Variants in KLF12 observed in about 807,000 individuals in gnomAD.
The protein encoded by KLF12 is KLF transcription factor 12, also known as Krueppel-like factor 12.
Under a neutral mutation model 37.8 loss-of-function variants are expected in KLF12, and 9 were observed. The ratio of observed to expected loss-of-function variants is 0.24; its 90% CI spans 0.14 to 0.42. The LOEUF (loss-of-function observed/expected upper bound fraction) is 0.42, where lower values mean the gene tolerates loss of function less well. KLF12 is among the 10% of genes least tolerant of loss of function. The pLI is 1.00. For synonymous variants in KLF12, 208 were observed against 202.1 expected, an observed-to-expected ratio of 1.03 and a Z score of -0.25; for missense variants, 411 against 516.0, an observed-to-expected ratio of 0.80 and a Z score of 1.97.
chr13:73,839,258 A>ATT lies in KLF12; in HGVS notation c.670+6567_670+6568dup, dbSNP rs768668350. 6.9e-3 allele frequency among the ~76,000 whole-genome samples: 784 copies of ATT among 113,024 alleles called. 5 individuals carry two copies. The highest frequency in any genetic ancestry group is 0.062 in the East Asian group (124 of 2,016). 74.1% of individuals were successfully genotyped at this position (113,024 alleles called of 152,430 possible). ...CAGGTGCTTACCACCATACCTGGTT[A>ATT]TTTTTTTTTTTTTTTTGTATTTTTG... On this transcript the variant is annotated intron_variant, in intron 4 of 7. Coordinates refer to ENST00000377669, the MANE Select transcript of KLF12 (RefSeq NM_007249.5).
chr13:73,895,686 G>A (rs1398540212), intron 3 of KLF12, among the ~76,000 whole-genome samples: 1 of 152,108 alleles, frequency 6.6e-6, no homozygotes, highest in Non-Finnish European at 1.5e-5. Flanking sequence ...GAGTGACAGG[G>A]AGCAATAAAA....
intron 7 of KLF12, among the ~76,000 whole-genome samples, chr13:73,714,716 G>A (rs1204153616): frequency 6.6e-6 from 1 of 152,168 alleles, no homozygotes. Context: ...AGAAGGCAGA[G>A]GATGGGGTGG....
At chr13:74,156,539 T>C in the KLF12 span, among the ~76,000 whole-genome samples, 4 of 151,830 alleles carry the variant, frequency 2.6e-5, no homozygotes, top group East Asian at 3.8e-4. Flanking sequence ...AGCCACCTTA[T>C]TGTGCTATCA....
the KLF12 span, among the ~76,000 whole-genome samples, chr13:74,203,764 C>A: frequency 6.6e-6 from 1 of 152,080 alleles, no homozygotes; most frequent in Admixed American, 6.6e-5. Context: ...AATGCAGATC[C>A]AGTGCTCAGG....
chr13:73,811,025 GC>G (rs1400289196), intron 5 of KLF12, among the ~76,000 whole-genome samples: 1 of 96,678 alleles, frequency 1.0e-5, no homozygotes, highest in African/African-American at 4.5e-5. Context: ...TCACTCTGTT[GC>G]CCAGGCTGGA....
chr13:73,773,057 A>G, intron 5 of KLF12, among the ~76,000 whole-genome samples: 1 of 152,198 alleles, frequency 6.6e-6, no homozygotes, highest in South Asian at 2.1e-4. Context: ...GAGGAGGATC[A>G]TGTTTCTGGA....
chr13:74,136,227 G>C (rs1203798377), upstream of KLF12, among the ~76,000 whole-genome samples: 2 of 152,208 alleles, frequency 1.3e-5, no homozygotes, highest in African/African-American at 2.4e-5. Flanking sequence ...AGTGGGACTC[G>C]GGGGTGAGGG....
chr13:74,240,010 C>T, the KLF12 span, among the ~76,000 whole-genome samples: 5 of 150,826 alleles, frequency 3.3e-5, no homozygotes, highest in African/African-American at 7.3e-5. Context: ...TTATTTTGCT[C>T]GTTAGTTGAT....
intron 1 of KLF12, among the ~76,000 whole-genome samples, chr13:74,003,327 T>C (rs1175162641): frequency 1.3e-5 from 2 of 152,154 alleles, no homozygotes; most frequent in Non-Finnish European, 2.9e-5. Context: ...TTGAGAATAA[T>C]CATACATGTA....
the KLF12 span, among the ~76,000 whole-genome samples, chr13:74,163,167 G>A: frequency 0.94 from 143,835 of 152,260 alleles, 68,459 homozygotes; most frequent in East Asian, 1. Flanking sequence ...ATGGAGAGCA[G>A]TTTGGAGGTT....
chr13:73,954,136 G>A (rs1890751212), intron 2 of KLF12, among the ~76,000 whole-genome samples: 1 of 151,642 alleles, frequency 6.6e-6, no homozygotes, highest in Non-Finnish European at 1.5e-5. Context: ...CCGCCACCAC[G>A]CCTGGCTAAT....
chr13:73,747,127 T>G (rs1878427001), intron 6 of KLF12, among the ~76,000 whole-genome samples: 1 of 152,130 alleles, frequency 6.6e-6, no homozygotes, highest in African/African-American at 2.4e-5. Flanking sequence ...TTTTCTTTCT[T>G]TCTTCCTTCA....
intron 1 of KLF12, among the ~76,000 whole-genome samples, chr13:74,077,942 G>A (rs971949885): frequency 3.3e-5 from 5 of 152,166 alleles, no homozygotes; most frequent in Admixed American, 6.5e-5. Flanking sequence ...TAAGTCCTCC[G>A]CTTCACTCTG....
chr13:74,091,598 T>C (rs7984565), intron 1 of KLF12, among the ~76,000 whole-genome samples: 29,528 of 152,176 alleles, frequency 0.19, 3,021 homozygotes, highest in African/African-American at 0.27. Flanking sequence ...ATCTTGGTTG[T>C]TTCTAAACTT....
chr13:74,134,490 C>T (rs1025267903), upstream of KLF12, among the ~76,000 whole-genome samples: 5 of 151,976 alleles, frequency 3.3e-5, no homozygotes, highest in African/African-American at 9.7e-5. Flanking sequence ...CTCGCCTCCC[C>T]GCCCGGACCG....
Position 73,810,646 on chromosome 13 carries a change from G to GACACACACACACAC in KLF12, c.806+2492_806+2505dup, listed in dbSNP as rs71927679. Among the ~76,000 whole-genome samples the GACACACACACACAC allele has an allele frequency of 8.4e-3, 1,274 of 150,872 alleles. 9 individuals are homozygous for GACACACACACACAC. Among genetic ancestry groups the GACACACACACACAC allele is most frequent in the East Asian group, 0.051 (260 of 5,056 alleles). On this transcript the variant is annotated intron_variant, in intron 5 of 7. Coordinates refer to ENST00000377669, the MANE Select transcript of KLF12 (RefSeq NM_007249.5). ...TAAAAGAAATGCATATATTTATAAA[G>GACACACACACACAC]ACACACACACACACACACAAATTAA...
intron 7 of KLF12, among the ~76,000 whole-genome samples, chr13:73,713,198 G>T (rs1173918026): frequency 6.6e-6 from 1 of 152,164 alleles, no homozygotes; most frequent in African/African-American, 2.4e-5. Flanking sequence ...GCCAGTGAGT[G>T]AAAATTATAG....
intron 1 of KLF12, among the ~76,000 whole-genome samples, chr13:74,099,932 C>T (rs1327788161): frequency 6.6e-6 from 1 of 152,092 alleles, no homozygotes; most frequent in African/African-American, 2.4e-5. Context: ...AACCATAAAA[C>T]ATTCCTGTAT....
intron 5 of KLF12, among the ~76,000 whole-genome samples, chr13:73,787,356 G>C (rs907305579): frequency 5.9e-5 from 9 of 152,174 alleles, no homozygotes; most frequent in Admixed American, 5.2e-4. Context: ...GTTAGTCAGA[G>C]AGGCAAATTT....
Sources: allele counts gnomAD v4.1 joint callset (sites outside exome capture counted in the v4.1 genomes callset), GRCh38; gene constraint gnomAD v4.1.1; transcripts MANE v1.5; gene names NCBI Gene and HGNC (gene_info 2026-07-23, HGNC 2026-07-21).